VWC2: variants seen among roughly 807,000 people sequenced by gnomAD.
VWC2 encodes the protein von Willebrand factor C domain containing 2, also known as brorin.
VWC2 carries 14 observed loss-of-function variants against 29.8 expected under a neutral mutation model. That is an observed-to-expected ratio of 0.47 (90% CI 0.31 to 0.74). The LOEUF (loss-of-function observed/expected upper bound fraction) is 0.74. Ranked by LOEUF, VWC2 falls within the 30% of genes least tolerant of loss-of-function variation. The pLI is 0.05. For synonymous variants in VWC2, 213 were observed against 199.0 expected (o/e 1.07, Z -0.59); for missense variants, 457 against 459.8 (o/e 0.99, Z 0.05).
chr7:49,796,751 T>C (rs1467419965), intron 2 of VWC2, among the ~76,000 whole-genome samples: 2 of 152,234 alleles, frequency 1.3e-5, no homozygotes, highest in Non-Finnish European at 2.9e-5. Context: ...ATCACAGTTA[T>C]GAAATTAAAC....
intron 3 of VWC2, among the ~76,000 whole-genome samples, chr7:49,859,786 GCGTGCACA>G (rs1186672309): frequency 7.0e-4 from 46 of 65,616 alleles, no homozygotes; most frequent in African/African-American, 2.6e-3. Flanking sequence ...CAGTGCGCGT[GCGTGCACA>G]CACACACACA....
chr7:49,875,258 T>G (rs1791352501), intron 3 of VWC2, among the ~76,000 whole-genome samples: 1 of 148,882 alleles, frequency 6.7e-6, no homozygotes. Flanking sequence ...TAGTCCCAGC[T>G]ACTCAGGAGG....
intron 3 of VWC2, among the ~76,000 whole-genome samples, chr7:49,844,490 TACTC>T (rs1315295149): frequency 3.9e-5 from 6 of 152,306 alleles, no homozygotes; most frequent in Admixed American, 2.0e-4. Context: ...TATACTATGT[TACTC>T]AATTAATTGT....
intron 1 of VWC2, 32 bp from the exon 2 acceptor site, chr7:49,775,301 G>T: frequency 2.0e-6 from 1 of 511,184 alleles, no homozygotes; most frequent in Non-Finnish European, 2.9e-6. Flanking sequence ...CGCGGGCCGC[G>T]GGGCTCAGTT....
chr7:49,804,045 T>A (rs953363568), intron 3 of VWC2, among the ~76,000 whole-genome samples: 1 of 152,130 alleles, frequency 6.6e-6, no homozygotes. Flanking sequence ...AAAACAAAGA[T>A]GTCACAGAGT....
At position 49,915,679 on chromosome 7, in the gene VWC2, G is replaced by A. The variant is rs1311017425; in HGVS notation, c.*3494G>A. On this transcript the variant is annotated 3_prime_UTR_variant, in exon 4 of 4. Coordinates refer to ENST00000340652, the MANE Select transcript of VWC2 (RefSeq NM_198570.5). ...TTTTAAATGTGGACTATTTAAACATGTAGAAAACAAAATTATAGACATAAA... is the reference window on the plus strand; with the variant it reads ...TTTTAAATGTGGACTATTTAAACATATAGAAAACAAAATTATAGACATAAA... 6.6e-6 allele frequency: 1 copy of A among 152,140 alleles called. No homozygotes were observed. Among genetic ancestry groups the A allele is most frequent in the Admixed American group, 6.6e-5 (1 of 15,266 alleles). The allele number at this position is 152,140 out of a possible 1,614,324, so 9.4% of individuals were successfully genotyped here. A position where few individuals can be genotyped will look rare whatever the true frequency, so the allele number is the denominator to read the frequency against.
intron 3 of VWC2, among the ~76,000 whole-genome samples, chr7:49,824,820 C>A: frequency 6.6e-6 from 1 of 151,818 alleles, no homozygotes; most frequent in East Asian, 1.9e-4. Context: ...TTTCAATTTC[C>A]AGTTGTTTGT....
intron 3 of VWC2, among the ~76,000 whole-genome samples, chr7:49,837,361 GCAAGGAAACCAATAA>G (rs1192667730): frequency 6.6e-6 from 1 of 152,226 alleles, no homozygotes; most frequent in Non-Finnish European, 1.5e-5. Context: ...GGTATTAAAT[GCAAGGAAACCAATAA>G]CAAGTCACCT....
chr7:49,877,481 A>AAAATATAC lies in VWC2; in HGVS notation c.827-34552_827-34551insAATATACA. ...CTGTCTCAAAAAAAAAAAAAAAAAA[A>AAAATATAC]ATATATATATATATATATATATATA... is the stretch of plus-strand genomic sequence containing the variant. On this transcript the variant is annotated intron_variant, in intron 3 of 3. Transcript: ENST00000340652. 2.4e-4 allele frequency among the ~76,000 whole-genome samples: 3 copies of AAAATATAC among 12,728 alleles called. 1 individual carries two copies. Among genetic ancestry groups the AAAATATAC allele is most frequent in the African/African-American group, 8.3e-4 (3 of 3,602 alleles). 8.4% of individuals were successfully genotyped at this position (12,728 alleles called of 152,430 possible).
At chr7:49,808,744 A>G (rs755816724) in intron 3 of VWC2, among the ~76,000 whole-genome samples, 2 of 152,052 alleles carry the variant, frequency 1.3e-5, no homozygotes, top group Non-Finnish European at 2.9e-5. Flanking sequence ...GGGAAATTGG[A>G]GATTATTTGG....
At chr7:49,814,794 G>C (rs928052049) in intron 3 of VWC2, among the ~76,000 whole-genome samples, 4 of 151,502 alleles carry the variant, frequency 2.6e-5, no homozygotes, top group Non-Finnish European at 4.4e-5. Context: ...TCTTGAACTT[G>C]TTGTTGAGGA....
At chr7:49,840,365 T>G (rs1260325810) in intron 3 of VWC2, among the ~76,000 whole-genome samples, 4 of 152,190 alleles carry the variant, frequency 2.6e-5, no homozygotes, top group Admixed American at 2.6e-4. Context: ...GAGGTTTTAA[T>G]TGCATGTACT....
rs766742451 is a variant in VWC2, at chr7:49,912,187, C to T, written c.*2C>T. ...AGACATGAATGCAGGCAAATGTAGA[C>T]GCTTCCCAGAACACAAACTCTGACT... is the stretch of plus-strand genomic sequence containing the variant. On this transcript the variant is annotated 3_prime_UTR_variant, in exon 4 of 4. Coordinates refer to ENST00000340652, the MANE Select transcript of VWC2 (RefSeq NM_198570.5). 18 of 1,613,082 alleles carry T rather than the reference C, an allele frequency of 1.1e-5. No homozygotes were observed. The highest frequency in any genetic ancestry group is 8.3e-5 in the Admixed American group (5 of 59,952).
intron 3 of VWC2, among the ~76,000 whole-genome samples, chr7:49,816,374 G>A (rs945709983): frequency 1.3e-5 from 2 of 152,162 alleles, no homozygotes; most frequent in Non-Finnish European, 2.9e-5. Flanking sequence ...TTGGACATGG[G>A]CAGTGAACAC....
At chr7:49,838,459 C>T (rs777860586) in intron 3 of VWC2, among the ~76,000 whole-genome samples, 22 of 152,008 alleles carry the variant, frequency 1.4e-4, no homozygotes, top group African/African-American at 1.9e-4. Flanking sequence ...AAGCAGACTC[C>T]GGTCTTTTGG....
At position 49,775,777 on chromosome 7, in the gene VWC2, CG is replaced by C; in HGVS notation, c.346del (p.Asp116ThrfsTer170). 1 of 1,520,580 alleles carries C rather than the reference CG, an allele frequency of 6.6e-7. No homozygotes were observed. The highest frequency in any genetic ancestry group is 8.8e-7 in the Non-Finnish European group (1 of 1,135,410). The allele number at this position is 1,520,580 out of a possible 1,614,324, so 94.2% of individuals were successfully genotyped here. On this transcript the variant is annotated frameshift_variant, in exon 2 of 4. Coordinates refer to ENST00000340652, the MANE Select transcript of VWC2 (RefSeq NM_198570.5). LOFTEE classifies it high-confidence loss of function. ...CCGGGGATCTGCAGGTCCGGCCCCG[CG>C]GGGACACCCCGCAGGCGGAAGCCCT... ...KAGDLQVRPR[G>X]DTPQAEALAA...
chr7:49,779,050 A>AGG (rs1199619273), intron 2 of VWC2, among the ~76,000 whole-genome samples: 3 of 142,142 alleles, frequency 2.1e-5, no homozygotes, highest in Non-Finnish European at 4.7e-5. Flanking sequence ...AGAGAGAGAG[A>AGG]GAGAGAGAGA....
chr7:49,905,443 A>T (rs1793034266), intron 3 of VWC2, among the ~76,000 whole-genome samples: 1 of 152,252 alleles, frequency 6.6e-6, no homozygotes, highest in Admixed American at 6.5e-5. Context: ...TTTGGTAAAT[A>T]TTCGTTTTTC....
chr7:49,859,492 CTTG>C (rs1463123364), intron 3 of VWC2, among the ~76,000 whole-genome samples: 1 of 151,864 alleles, frequency 6.6e-6, no homozygotes, highest in East Asian at 1.9e-4. Context: ...GATTTTTTTT[CTTG>C]TTGTTCTTCA....
Sources: gnomAD v4.1 joint callset for allele counts (sites outside exome capture counted in the v4.1 genomes callset) on GRCh38, gnomAD v4.1.1 for gene constraint, MANE v1.5 for transcripts, NCBI Gene and HGNC (gene_info 2026-07-23, HGNC 2026-07-21) for gene names.